CCDC102B: variants seen among roughly 807,000 people sequenced by gnomAD.
CCDC102B encodes coiled-coil domain containing 102B.
CCDC102B carries 75 observed loss-of-function variants against 57.4 expected under a neutral mutation model. That is an observed-to-expected ratio of 1.31 (90% confidence interval 1.08 to 1.58). The LOEUF is 1.58. Ranked by LOEUF, CCDC102B falls within the 40% of genes most tolerant of loss-of-function variation. The pLI, the probability that CCDC102B is intolerant of heterozygous loss-of-function variation, is 0.00. For missense variants in CCDC102B, 636 were observed against 582.6 expected (o/e 1.09, Z -0.94); for synonymous variants, 206 against 201.9 (o/e 1.02, Z -0.17).
chr18:68,958,216 G>A (rs796344843), intron 6 of CCDC102B, among the ~76,000 whole-genome samples: 20 of 152,216 alleles, frequency 1.3e-4, no homozygotes, highest in African/African-American at 4.8e-4. Context: ...ACAACACATG[G>A]CAATTCAAGA....
chr18:68,956,598 TTA>T (rs200872658), intron 6 of CCDC102B, among the ~76,000 whole-genome samples: 9 of 74,030 alleles, frequency 1.2e-4, no homozygotes, highest in African/African-American at 6.5e-4. Flanking sequence ...TATATATATA[TTA>T]TATATATATA....
At chr18:68,794,377 G>A (rs1400621655), upstream of CCDC102B, among the ~76,000 whole-genome samples, 4 of 152,072 alleles carry the variant, frequency 2.6e-5, no homozygotes, top group Non-Finnish European at 5.9e-5. Context: ...TGTTTCATTG[G>A]CAAAACTGCA....
chr18:68,951,126 T>G (rs2049684919), intron 6 of CCDC102B, among the ~76,000 whole-genome samples: 1 of 152,104 alleles, frequency 6.6e-6, no homozygotes, highest in Non-Finnish European at 1.5e-5. Flanking sequence ...GAGGAAGAGT[T>G]GGCTCTTACT....
intron 6 of CCDC102B, among the ~76,000 whole-genome samples, chr18:68,970,446 GT>G (rs1238082445): frequency 2.6e-5 from 4 of 151,802 alleles, no homozygotes; most frequent in Non-Finnish European, 4.4e-5. Flanking sequence ...ACTTGGAGAT[GT>G]AATATGCTTA....
At chr18:68,733,010 G>A (rs1404462906) in intron 2 of CCDC102B, among the ~76,000 whole-genome samples, 1 of 152,100 alleles carries the variant, frequency 6.6e-6, no homozygotes, top group Non-Finnish European at 1.5e-5. Context: ...TAGAAAAGTT[G>A]GTGGGGAAGG....
At chr18:68,860,783 T>C (rs1435527341) in intron 4 of CCDC102B, among the ~76,000 whole-genome samples, 1 of 112,662 alleles carries the variant, frequency 8.9e-6, no homozygotes, top group Non-Finnish European at 2.0e-5. Context: ...CACTTACCAT[T>C]TATAGCACAC....
intron 1 of CCDC102B, chr18:68,716,498 T>G (rs956667720): frequency 5.3e-5 from 8 of 152,230 alleles, no homozygotes; most frequent in African/African-American, 1.9e-4. Context: ...TGTGATGAAA[T>G]AACTGAATAT....
chr18:68,779,172 C>T (rs1324313245), intron 2 of CCDC102B, among the ~76,000 whole-genome samples: 3 of 152,064 alleles, frequency 2.0e-5, no homozygotes, highest in African/African-American at 4.8e-5. Context: ...CCAAAATTTA[C>T]TCTGCTAGGA....
intron 6 of CCDC102B, among the ~76,000 whole-genome samples, chr18:68,926,364 A>G (rs1170738283): frequency 6.6e-6 from 1 of 151,874 alleles, no homozygotes; most frequent in Non-Finnish European, 1.5e-5. Flanking sequence ...GTTTTTGCAG[A>G]AGCATTGATG....
intron 2 of CCDC102B, chr18:68,753,374 A>T (rs528653987): frequency 3.7e-4 from 57 of 152,216 alleles, no homozygotes; most frequent in African/African-American, 1.3e-3. Context: ...ATGATCTCTT[A>T]TGAAAACTTA....
chr18:68,871,684 T>G (rs1351455377), intron 4 of CCDC102B, among the ~76,000 whole-genome samples: 2 of 152,044 alleles, frequency 1.3e-5, no homozygotes, highest in East Asian at 3.9e-4. Context: ...CAAGTAACAG[T>G]GAGGAAGCCA....
intron 5 of CCDC102B, among the ~76,000 whole-genome samples, chr18:68,886,844 T>C (rs975971720): frequency 6.6e-6 from 1 of 152,096 alleles, no homozygotes; most frequent in Non-Finnish European, 1.5e-5. Context: ...TGACATTCAC[T>C]CATTTCAATG....
At chr18:68,912,327 A>G (rs1261691542) in intron 6 of CCDC102B, among the ~76,000 whole-genome samples, 2 of 152,342 alleles carry the variant, frequency 1.3e-5, no homozygotes, top group East Asian at 1.9e-4. Context: ...AAAGAAAAAC[A>G]TACATTAAAA....
intron 6 of CCDC102B, among the ~76,000 whole-genome samples, chr18:69,006,444 G>A (rs2051347633): frequency 6.6e-6 from 1 of 151,144 alleles, no homozygotes; most frequent in Non-Finnish European, 1.5e-5. Flanking sequence ...TTTATTTTGA[G>A]ACTGAGTCTT....
intron 6 of CCDC102B, among the ~76,000 whole-genome samples, chr18:68,914,848 A>G (rs931704688): frequency 6.6e-6 from 1 of 152,192 alleles, no homozygotes. Context: ...ACTCTCATTT[A>G]TATCCATTAG....
In CCDC102B at chr18:68,919,386, C is replaced by T. The variant is rs367776584; in HGVS notation, c.1263+21958C>T. 3.2e-3 allele frequency among the ~76,000 whole-genome samples: 488 copies of T among 152,098 alleles called. 3 individuals carry two copies. Among genetic ancestry groups the T allele is most frequent in the African/African-American group, 0.011 (445 of 41,522 alleles). The stretch of plus-strand genomic sequence containing the variant: ...ACATGGTAATACCCAAGATAAATAT[C>T]GTTTTTATATTTCTTATATATTTTT... On this transcript the variant is annotated intron_variant, in intron 6 of 7. Transcript: ENST00000360242.
At chr18:68,885,379 G>T (rs1173660414) in intron 5 of CCDC102B, among the ~76,000 whole-genome samples, 1 of 151,972 alleles carries the variant, frequency 6.6e-6, no homozygotes, top group Non-Finnish European at 1.5e-5. Context: ...GGTCATGATG[G>T]TTTAGATGAA....
chr18:69,044,628 A>T (rs2052513624), intron 7 of CCDC102B, among the ~76,000 whole-genome samples: 1 of 152,112 alleles, frequency 6.6e-6, no homozygotes, highest in Admixed American at 6.6e-5. Flanking sequence ...TAGTTAATTT[A>T]CCTCCGCTGT....
intron 7 of CCDC102B, among the ~76,000 whole-genome samples, chr18:69,042,104 C>T (rs1599888752): frequency 2.0e-5 from 3 of 151,780 alleles, no homozygotes; most frequent in African/African-American, 2.4e-5. Context: ...AAAGAAGAAA[C>T]GAAAATAAGG....
Sources: allele counts gnomAD v4.1 joint callset (sites outside exome capture counted in the v4.1 genomes callset), GRCh38; gene constraint gnomAD v4.1.1; transcripts MANE v1.5; gene names NCBI Gene and HGNC (gene_info 2026-07-23, HGNC 2026-07-21).